The following GSTO2 variants were observed in gnomAD, a reference collection of about 807,000 sequenced individuals.
GSTO2 encodes the protein glutathione S-transferase omega-2.
In GSTO2, 23 loss-of-function variants were observed where a neutral mutation model predicts 28.4. The observed-to-expected ratio is 0.81, with a 90% CI of 0.58 to 1.15. The LOEUF (loss-of-function observed/expected upper bound fraction) is 1.15, where lower values mean the gene tolerates loss of function less well. GSTO2 is among the 50% of genes most tolerant of loss of function. GSTO2 has a pLI of 0.00. For missense variants in GSTO2, 298 were observed against 297.8 expected, an observed-to-expected ratio of 1.00 and a Z score of 0.00; for synonymous variants, 109 against 111.0, an observed-to-expected ratio of 0.98 and a Z score of 0.11.
rs1204670678 is a variant in GSTO2, at chr10:104,303,186, A to G, written c.*3902A>G. The G allele has an allele frequency of 6.6e-6, 1 of 152,204 alleles. No individual in the cohort carries two copies. Among genetic ancestry groups the G allele is most frequent in the African/African-American group, 2.4e-5 (1 of 41,458 alleles). The allele number at this position is 152,204 out of a possible 1,614,324, so 9.4% of individuals were successfully genotyped here. A position where few individuals can be genotyped will look rare whatever the true frequency, so the allele number is the denominator to read the frequency against. On this transcript the variant is annotated 3_prime_UTR_variant, in exon 7 of 7. Transcript: ENST00000338595. ...TGTTCTCATGATTTAGCTCCCACTT[A>G]TAAGTGAGAACATGCAGTTTTTGTA... is the stretch of plus-strand genomic sequence containing the variant.
Position 104,279,459 on chromosome 10 carries a change from CA to C in GSTO2, c.458del (p.Asn153ThrfsTer21). On this transcript the variant is annotated frameshift_variant, in exon 5 of 7. Coordinates refer to ENST00000338595, the MANE Select transcript of GSTO2 (RefSeq NM_183239.2). LOFTEE classifies it high-confidence loss of function. ...AGGCAGCCCTGCGTCAGGAATTCAGCAACCTGGAAGAGGTACAAAAAGGGGT... is the reference window on the plus strand; with the variant it reads ...AGGCAGCCCTGCGTCAGGAATTCAGCACCTGGAAGAGGTACAAAAAGGGGT... ...LKAALRQEFS[N>X]LEEILEYQNT... 1.2e-6 allele frequency: 2 copies of C among 1,613,282 alleles called. No individual in the cohort carries two copies. The highest frequency in any genetic ancestry group is 1.7e-6 in the Non-Finnish European group (2 of 1,179,230).
At position 104,299,326 on chromosome 10, in the gene GSTO2, TG is replaced by T; in HGVS notation, c.*43del. On this transcript the variant is annotated 3_prime_UTR_variant, in exon 7 of 7. Transcript: ENST00000338595. Reference sequence around the variant, plus strand: ...CTTCGCTGTCCAGAATTCCCCAGCTTGTTGGGAGTCTACGTCACGGCTTGTC... The same window carrying T: ...CTTCGCTGTCCAGAATTCCCCAGCTTTTGGGAGTCTACGTCACGGCTTGTC... 6.2e-7 allele frequency: 1 copy of T among 1,608,976 alleles called. No homozygotes were observed. Among genetic ancestry groups the T allele is most frequent in the Non-Finnish European group, 8.5e-7 (1 of 1,176,984 alleles).
chr10:104,283,783 A>C (rs1278702280), intron 5 of GSTO2, among the ~76,000 whole-genome samples: 1 of 152,248 alleles, frequency 6.6e-6, no homozygotes, highest in African/African-American at 2.4e-5. Context: ...AATAATTCTA[A>C]TGGAGAGGAT....
chr10:104,298,870 C>G (rs2013163268), intron 6 of GSTO2, among the ~76,000 whole-genome samples: 1 of 152,104 alleles, frequency 6.6e-6, no homozygotes, highest in Non-Finnish European at 1.5e-5. Context: ...AAATGAAGCA[C>G]AGACATGTTA....
In GSTO2 at chr10:104,276,721, C is replaced by T. The variant is rs555131436; in HGVS notation, c.144-1173C>T. ...TCTTGGGCTCAAGCAATCCTCCCAC[C>T]CTGGCCTCTCAAAGTGCTGAGATTA... On this transcript the variant is annotated intron_variant, in intron 3 of 6. Transcript: ENST00000338595. Among the ~76,000 whole-genome samples the T allele has an allele frequency of 2.7e-4, 41 of 152,294 alleles. 1 individual carries two copies. The highest frequency in any genetic ancestry group is 8.7e-4 in the African/African-American group (36 of 41,560).
At chr10:104,284,137 A>G (rs957159528) in intron 5 of GSTO2, among the ~76,000 whole-genome samples, 1 of 151,908 alleles carries the variant, frequency 6.6e-6, no homozygotes, top group South Asian at 2.1e-4. Flanking sequence ...AGGCGGGCAG[A>G]TCATTTTAAT....
At chr10:104,297,764 G>A in intron 6 of GSTO2, 80 bp downstream of exon 6, 1 of 918,412 alleles carries the variant, frequency 1.1e-6, no homozygotes. Context: ...CATGCCCCCT[G>A]TAGACATGTT....
chr10:104,299,204 A>T lies in GSTO2; in HGVS notation c.652A>T (p.Met218Leu), dbSNP rs1438307596. ...KWDPTVCALL[M>L]DKSIFQGFLN... ...GGACCCCACAGTCTGTGCTCTTCTC[A>T]TGGATAAGAGCATTTTCCAGGGCTT... The change falls in exon 7 of 7, where the codon ATG becomes TTG. Residue 218 changes from methionine to leucine, a missense_variant. Transcript: ENST00000338595. The T allele has an allele frequency of 1.9e-6, 3 of 1,613,850 alleles. No homozygotes were observed. The highest frequency in any genetic ancestry group is 2.5e-6 in the Non-Finnish European group (3 of 1,179,888).
At chr10:104,271,710 C>T (rs981015537) in intron 1 of GSTO2, among the ~76,000 whole-genome samples, 1 of 152,220 alleles carries the variant, frequency 6.6e-6, no homozygotes. Flanking sequence ...TTCCCACATA[C>T]AGATACACTT....
At chr10:104,293,485 C>G (rs979117413) in intron 5 of GSTO2, among the ~76,000 whole-genome samples, 2 of 150,870 alleles carry the variant, frequency 1.3e-5, no homozygotes, top group Non-Finnish European at 2.9e-5. Flanking sequence ...TGGTCTCAAA[C>G]TTCTGGGCTC....
At position 104,303,497 on chromosome 10, in the gene GSTO2, C is replaced by T. The variant is rs182926623; in HGVS notation, c.*4213C>T. The T allele has an allele frequency of 6.6e-6, 1 of 152,284 alleles. No individual in the cohort carries two copies. The highest frequency in any genetic ancestry group is 1.9e-4 in the East Asian group (1 of 5,182). 9.4% of individuals were successfully genotyped at this position (152,284 alleles called of 1,614,324 possible). A position where few individuals can be genotyped will look rare whatever the true frequency, so the allele number is the denominator to read the frequency against. On this transcript the variant is annotated 3_prime_UTR_variant, in exon 7 of 7. Transcript: ENST00000338595. ...AAGCAGCAAAGCATTCAAGATGCGC[C>T]CTGGCTGCTTTCAACAACCTATGCT...
At chr10:104,280,252 A>G (rs1275064175) in intron 5 of GSTO2, among the ~76,000 whole-genome samples, 1 of 151,524 alleles carries the variant, frequency 6.6e-6, no homozygotes, top group Non-Finnish European at 1.5e-5. Flanking sequence ...TCAGGAACTG[A>G]AGCTTTTTCT....
rs1279982225 is a variant in GSTO2, at chr10:104,302,719, C to CT, written c.*3437dup. On this transcript the variant is annotated 3_prime_UTR_variant, in exon 7 of 7. Transcript: ENST00000338595. The stretch of plus-strand genomic sequence containing the variant: ...CTCATGAATGGTTTAGCACCATTCT[C>CT]TTGGTGCTGTTCTCATGATAGTGAG... 6.6e-6 allele frequency: 1 copy of CT among 152,156 alleles called. No homozygotes were observed. Among genetic ancestry groups the CT allele is most frequent in the Non-Finnish European group, 1.5e-5 (1 of 68,026 alleles). The allele number at this position is 152,156 out of a possible 1,614,324, so 9.4% of individuals were successfully genotyped here.
rs552540403 is a variant in GSTO2, at chr10:104,302,368, T to C, written c.*3084T>C. The C allele has an allele frequency of 1.3e-5, 2 of 152,332 alleles. No homozygotes were observed. The highest frequency in any genetic ancestry group is 4.8e-5 in the African/African-American group (2 of 41,568). 9.4% of individuals were successfully genotyped at this position (152,332 alleles called of 1,614,324 possible). Reference sequence around the variant, plus strand: ...AAAAATTAGTTTAAACCACAGCATTTAAAAGAAATGGTCATAGATGATGTT... The same window carrying C: ...AAAAATTAGTTTAAACCACAGCATTCAAAAGAAATGGTCATAGATGATGTT... On this transcript the variant is annotated 3_prime_UTR_variant, in exon 7 of 7. Transcript: ENST00000338595.
At chr10:104,275,949 C>T (rs1291678435) in intron 3 of GSTO2, among the ~76,000 whole-genome samples, 1 of 152,142 alleles carries the variant, frequency 6.6e-6, no homozygotes, top group African/African-American at 2.4e-5. Context: ...TTTCAAGACA[C>T]CTTGAAAACT....
At chr10:104,269,620 A>G (rs1407373642) in intron 1 of GSTO2, among the ~76,000 whole-genome samples, 1 of 152,228 alleles carries the variant, frequency 6.6e-6, no homozygotes, top group Non-Finnish European at 1.5e-5. Flanking sequence ...TGTTTAAGGC[A>G]CTGGCAAGCA....
At chr10:104,292,666 C>T (rs79836291) in intron 5 of GSTO2, among the ~76,000 whole-genome samples, 2 of 151,802 alleles carry the variant, frequency 1.3e-5, no homozygotes, top group East Asian at 1.9e-4. Flanking sequence ...ATGTTGCCCA[C>T]GCTAGTCTCG....
intron 6 of GSTO2, among the ~76,000 whole-genome samples, chr10:104,297,955 C>A (rs572463139): frequency 6.6e-6 from 1 of 152,206 alleles, no homozygotes; most frequent in Non-Finnish European, 1.5e-5. Context: ...CCAGCGCCCC[C>A]ACATGGCCGG....
intron 3 of GSTO2, among the ~76,000 whole-genome samples, chr10:104,275,879 T>C (rs2011611428): frequency 6.6e-6 from 1 of 152,228 alleles, no homozygotes; most frequent in African/African-American, 2.4e-5. Flanking sequence ...GTTAAATGAA[T>C]GAACAAATCT....
Sources: allele counts gnomAD v4.1 joint callset (sites outside exome capture counted in the v4.1 genomes callset), GRCh38; gene constraint gnomAD v4.1.1; transcripts MANE v1.5; gene names NCBI Gene and HGNC (gene_info 2026-07-23, HGNC 2026-07-21).